The following CSMD1 variants were observed in gnomAD, a reference collection of about 807,000 sequenced individuals.
CSMD1 encodes the protein CUB and sushi domain-containing protein 1.
Under a neutral mutation model 417.5 loss-of-function variants are expected in CSMD1, and 213 were observed. That is an observed-to-expected ratio of 0.51 (90% CI 0.46 to 0.57). CSMD1 has a LOEUF of 0.57. Among genes scored for constraint, CSMD1 ranks in the 20% least tolerant of loss-of-function variants. The pLI is 0.00. For synonymous variants in CSMD1, 2,862 were observed against 1,736.8 expected (o/e 1.65, Z -16.11); for missense variants, 6,923 against 4,529.7 (o/e 1.53, Z -15.17).
chr8:4,439,247 T>G (rs767166103), intron 2 of CSMD1, among the ~76,000 whole-genome samples: 1 of 152,168 alleles, frequency 6.6e-6, no homozygotes, highest in African/African-American at 2.4e-5. Flanking sequence ...ATATTGCTTC[T>G]ATTAAACAAA....
At chr8:4,909,899 C>T (rs769454212) in intron 1 of CSMD1, among the ~76,000 whole-genome samples, 3 of 152,124 alleles carry the variant, frequency 2.0e-5, no homozygotes, top group Admixed American at 1.3e-4. Context: ...CCAGCTTTTT[C>T]TTCTTATGAG....
At chr8:3,805,606 G>C (rs1461346990) in intron 5 of CSMD1, among the ~76,000 whole-genome samples, 2 of 152,180 alleles carry the variant, frequency 1.3e-5, no homozygotes, top group African/African-American at 2.4e-5. Context: ...CCAGCTAAGA[G>C]TTATACCTGT....
At position 2,935,658 on chromosome 8, in the gene CSMD1, TA is replaced by T. The variant is rs1429476549; in HGVS notation, c.*2926del. 6.6e-6 allele frequency: 1 copy of T among 152,168 alleles called. No homozygotes were observed. The highest frequency in any genetic ancestry group is 2.4e-5 in the African/African-American group (1 of 41,452). 9.4% of individuals were successfully genotyped at this position (152,168 alleles called of 1,614,324 possible). A position where few individuals can be genotyped will look rare whatever the true frequency, so the allele number is the denominator to read the frequency against. ...ATTTAATAATTTTACAAATTCTTCA[TA>T]AAAAATATATCTCTGTACAAAAAGG... On this transcript the variant is annotated 3_prime_UTR_variant, in exon 70 of 70. Coordinates refer to ENST00000635120, the MANE Select transcript of CSMD1 (RefSeq NM_033225.6).
intron 10 of CSMD1, among the ~76,000 whole-genome samples, chr8:3,512,438 G>A (rs989051808): frequency 1.3e-5 from 2 of 152,016 alleles, no homozygotes; most frequent in South Asian, 4.1e-4. Context: ...TTATGTATTT[G>A]TAATCCTGAG....
At chr8:4,207,168 T>G (rs1238887865) in intron 3 of CSMD1, among the ~76,000 whole-genome samples, 7 of 152,178 alleles carry the variant, frequency 4.6e-5, no homozygotes, top group Non-Finnish European at 1.0e-4. Flanking sequence ...GGTATAGTAA[T>G]AAGTATAAGA....
At chr8:4,004,107 G>C (rs927705485) in intron 4 of CSMD1, among the ~76,000 whole-genome samples, 3 of 152,076 alleles carry the variant, frequency 2.0e-5, no homozygotes, top group South Asian at 4.1e-4. Flanking sequence ...TCTACGTTAA[G>C]CTGTATACAT....
At chr8:3,333,265 C>T (rs779445586) in intron 23 of CSMD1, among the ~76,000 whole-genome samples, 1 of 152,050 alleles carries the variant, frequency 6.6e-6, no homozygotes, top group Non-Finnish European at 1.5e-5. Flanking sequence ...GGCTCCTGAC[C>T]CACGGATGCT....
At chr8:3,485,414 G>A (rs1275714086) in intron 11 of CSMD1, among the ~76,000 whole-genome samples, 4 of 151,976 alleles carry the variant, frequency 2.6e-5, no homozygotes, top group Non-Finnish European at 4.4e-5. Context: ...AGTTGGCTAT[G>A]ATTATTAAGG....
chr8:4,505,713 C>T (rs2130310057), intron 2 of CSMD1, among the ~76,000 whole-genome samples: 1 of 152,228 alleles, frequency 6.6e-6, no homozygotes, highest in South Asian at 2.1e-4. Flanking sequence ...TCTTCATCTG[C>T]CAATGAAGCC....
rs184763927 is a variant in CSMD1, at chr8:4,043,490, A to C, written c.416-11391T>G. The stretch of plus-strand genomic sequence containing the variant: ...CCAGTGTTATGTTGTCTTCAAAAAA[A>C]AGTATTTTAAATACAAACAGACAAA... On this transcript the variant is annotated intron_variant, in intron 3 of 69. Coordinates refer to ENST00000635120, the MANE Select transcript of CSMD1 (RefSeq NM_033225.6). 2.6e-5 allele frequency among the ~76,000 whole-genome samples: 4 copies of C among 152,342 alleles called. No homozygotes were observed. In the East Asian group the frequency reaches 7.7e-4, roughly 29 times the overall value.
intron 5 of CSMD1, among the ~76,000 whole-genome samples, chr8:3,916,763 GA>G (rs1301596420): frequency 2.6e-5 from 4 of 152,050 alleles, no homozygotes; most frequent in Non-Finnish European, 4.4e-5. Context: ...ACTAGAGAGA[GA>G]AAAAATAATT....
intron 23 of CSMD1, among the ~76,000 whole-genome samples, chr8:3,337,313 A>C (rs1001619306): frequency 6.6e-6 from 1 of 152,228 alleles, no homozygotes. Context: ...CTTTTTAATT[A>C]AACCTTTTTG....
chr8:3,005,685 G>C lies in CSMD1; in HGVS notation c.8030-5554C>G, dbSNP rs193081637. Among the ~76,000 whole-genome samples the C allele has an allele frequency of 1.2e-3, 178 of 152,160 alleles. 2 individuals are homozygous for C. The East Asian group carries it at 0.032, about 28-fold the overall frequency. On this transcript the variant is annotated intron_variant, in intron 52 of 69. Coordinates refer to ENST00000635120, the MANE Select transcript of CSMD1 (RefSeq NM_033225.6). ...AAGACAAAAACCACATGATTATCTC[G>C]ATAGATGCAGAAAAGGCCTTTGACA...
At chr8:4,377,649 GTTC>G (rs1239300949) in intron 3 of CSMD1, among the ~76,000 whole-genome samples, 1 of 152,066 alleles carries the variant, frequency 6.6e-6, no homozygotes, top group Non-Finnish European at 1.5e-5. Flanking sequence ...CATTTATAAG[GTTC>G]TTTTTAGCAA....
At chr8:4,395,746 G>A (rs917029388) in intron 3 of CSMD1, among the ~76,000 whole-genome samples, 3 of 148,122 alleles carry the variant, frequency 2.0e-5, no homozygotes, top group African/African-American at 7.4e-5. Flanking sequence ...TTTCTGCTGT[G>A]TAAGCATTTG....
At position 4,372,483 on chromosome 8, in the gene CSMD1, A is replaced by T. The variant is rs185920073; in HGVS notation, c.415+47470T>A. ...AGGGCAATAGTTAAGTGTCACTTAA[A>T]ACAACAACAACAAAAAACAGAAAAA... On this transcript the variant is annotated intron_variant, in intron 3 of 69. Transcript: ENST00000635120. 6.0e-3 allele frequency among the ~76,000 whole-genome samples: 877 copies of T among 145,814 alleles called. 13 individuals carry two copies. The highest frequency in any genetic ancestry group is 0.022 in the African/African-American group (821 of 36,588).
At position 3,674,427 on chromosome 8, in the gene CSMD1, T is replaced by C. The variant is rs184282322; in HGVS notation, c.1009+33987A>G. The stretch of plus-strand genomic sequence containing the variant: ...CTCATTCAAATCAAGAATATTTAAA[T>C]AGAAAATACCACCATGGCTATTATC... On this transcript the variant is annotated intron_variant, in intron 7 of 69. Transcript: ENST00000635120. Among the ~76,000 whole-genome samples the C allele has an allele frequency of 1.4e-4, 22 of 152,246 alleles. No individual in the cohort carries two copies. In the East Asian group the frequency reaches 3.5e-3, roughly 24 times the overall value.
intron 2 of CSMD1, among the ~76,000 whole-genome samples, chr8:4,568,583 G>A (rs941649688): frequency 1.3e-5 from 2 of 152,006 alleles, no homozygotes; most frequent in South Asian, 2.1e-4. Context: ...ATACACATAC[G>A]TGTGCATGCA....
chr8:4,608,189 T>A (rs1176256809), intron 2 of CSMD1, among the ~76,000 whole-genome samples: 3 of 152,180 alleles, frequency 2.0e-5, no homozygotes, highest in Admixed American at 6.5e-5. Context: ...AGTAAAGAGT[T>A]TGACTTCTAC....
Sources: gnomAD v4.1 joint callset for allele counts (sites outside exome capture counted in the v4.1 genomes callset) on GRCh38, gnomAD v4.1.1 for gene constraint, MANE v1.5 for transcripts, NCBI Gene and HGNC (gene_info 2026-07-23, HGNC 2026-07-21) for gene names.